SLCO3A1: variants seen among roughly 807,000 people sequenced by gnomAD.
SLCO3A1 encodes solute carrier organic anion transporter family member 3A1.
SLCO3A1 carries 27 observed loss-of-function variants against 63.1 expected under a neutral mutation model. That is an observed-to-expected ratio of 0.43 (90% CI 0.32 to 0.59). The LOEUF is 0.59. Ranked by LOEUF, SLCO3A1 falls within the 20% of genes least tolerant of loss-of-function variation. The pLI, the probability that SLCO3A1 is intolerant of heterozygous loss-of-function variation, is 0.09. For missense variants in SLCO3A1, 773 were observed against 945.8 expected (o/e 0.82, Z 2.40); for synonymous variants, 473 against 409.9 (o/e 1.15, Z -1.86).
intron 9 of SLCO3A1, among the ~76,000 whole-genome samples, chr15:92,159,222 C>G (rs1287135732): frequency 6.6e-6 from 1 of 152,218 alleles, no homozygotes; most frequent in Non-Finnish European, 1.5e-5. Context: ...TGCGGTGGCT[C>G]ACGCCTGTAA....
chr15:91,880,170 C>CATCCATCCATCTATCTATCTATCT (rs1337739872), intron 1 of SLCO3A1, among the ~76,000 whole-genome samples: 8 of 126,270 alleles, frequency 6.3e-5, no homozygotes, highest in Admixed American at 2.5e-4. Context: ...TCCATCCATC[C>CATCCATCCATCTATCTATCTATCT]ATCTATCTAT....
chr15:92,013,125 C>A (rs965837865), intron 2 of SLCO3A1, among the ~76,000 whole-genome samples: 3 of 152,200 alleles, frequency 2.0e-5, no homozygotes, highest in African/African-American at 4.8e-5. Flanking sequence ...AGATGGGTGG[C>A]TTTGCATGTG....
At chr15:92,046,281 G>A (rs2046861962) in intron 2 of SLCO3A1, among the ~76,000 whole-genome samples, 2 of 151,992 alleles carry the variant, frequency 1.3e-5, no homozygotes, top group East Asian at 1.9e-4. Flanking sequence ...TTGGGAGGCC[G>A]AGACGGATGG....
rs558947588 is a variant in SLCO3A1, at chr15:92,025,165, C to CCT, written c.647-69715_647-69714dup. 4.4e-4 allele frequency among the ~76,000 whole-genome samples: 56 copies of CCT among 126,374 alleles called. 2 individuals carry two copies. The South Asian group carries it at 0.017, about 39-fold the overall frequency. 82.9% of individuals were successfully genotyped at this position (126,374 alleles called of 152,430 possible). A position where few individuals can be genotyped will look rare whatever the true frequency, so the allele number is the denominator to read the frequency against. On this transcript the variant is annotated intron_variant, in intron 2 of 9. Transcript: ENST00000318445. ...GTAGACGTTATTTTTCTTAGGTTGT[C>CCT]CTTTTTTTTTTTTTTTGCTTTTAAA...
intron 2 of SLCO3A1, among the ~76,000 whole-genome samples, chr15:92,052,382 A>T (rs930628234): frequency 6.6e-6 from 1 of 152,118 alleles, no homozygotes; most frequent in Non-Finnish European, 1.5e-5. Context: ...GATCATATGA[A>T]TGTTCATTAT....
Position 91,882,713 on chromosome 15 carries a change from G to A in SLCO3A1, c.180+28625G>A, listed in dbSNP as rs934569252. On this transcript the variant is annotated intron_variant, in intron 1 of 9. Coordinates refer to ENST00000318445, the MANE Select transcript of SLCO3A1 (RefSeq NM_013272.4). This position sits in a 1 kb window ranked among gnomAD's most constrained non-coding sequence, Gnocchi z 4.4. ...TTTTTTGTATTTTTAGTAGAGACAG[G>A]GTTTCACCATGTTGGCCAGGCTGGT... 3.9e-5 allele frequency among the ~76,000 whole-genome samples: 6 copies of A among 152,112 alleles called. No individual in the cohort carries two copies. The highest frequency in any genetic ancestry group is 1.4e-4 in the African/African-American group (6 of 41,420).
At chr15:91,890,322 G>A (rs573754819) in intron 1 of SLCO3A1, among the ~76,000 whole-genome samples, 8 of 152,228 alleles carry the variant, frequency 5.3e-5, no homozygotes, top group African/African-American at 1.4e-4. Context: ...CTGTGGTGGT[G>A]GTTGTATTTT....
At chr15:92,121,617 C>T (rs1490190972) in intron 5 of SLCO3A1, among the ~76,000 whole-genome samples, 1 of 152,056 alleles carries the variant, frequency 6.6e-6, no homozygotes, top group Non-Finnish European at 1.5e-5. Context: ...AGTGGAGGTT[C>T]AGTTGCCTCA....
intron 1 of SLCO3A1, among the ~76,000 whole-genome samples, chr15:91,911,377 G>C (rs1898479875): frequency 6.6e-6 from 1 of 152,116 alleles, no homozygotes; most frequent in African/African-American, 2.4e-5. Context: ...GTGTCACCAG[G>C]TAGCTTGTTA....
chr15:92,160,771 G>A (rs554061258), intron 9 of SLCO3A1, among the ~76,000 whole-genome samples: 14 of 152,090 alleles, frequency 9.2e-5, no homozygotes, highest in Non-Finnish European at 1.9e-4. Context: ...GCTCTCACCC[G>A]ATTCCAGGCA....
At chr15:92,078,234 A>G (rs916513994) in intron 2 of SLCO3A1, among the ~76,000 whole-genome samples, 2 of 152,198 alleles carry the variant, frequency 1.3e-5, no homozygotes, top group Admixed American at 6.5e-5. Flanking sequence ...ATAACTGGGA[A>G]CTACACAAGT....
In SLCO3A1 at chr15:91,872,670, A is replaced by T. The variant is rs903306994; in HGVS notation, c.180+18582A>T. On this transcript the variant is annotated intron_variant, in intron 1 of 9. Transcript: ENST00000318445. This position sits in a 1 kb window ranked among gnomAD's most constrained non-coding sequence, Gnocchi z 4.1. Reference sequence around the variant, plus strand: ...TTTGATCACACCACGCCTTGAAAAAATTCGCAGCTGAATGCTTCAGTGTCT... The same window carrying T: ...TTTGATCACACCACGCCTTGAAAAATTTCGCAGCTGAATGCTTCAGTGTCT... Among the ~76,000 whole-genome samples, 1 of 152,366 alleles carries T rather than the reference A, an allele frequency of 6.6e-6. No individual in the cohort carries two copies. The highest frequency in any genetic ancestry group is 1.5e-5 in the Non-Finnish European group (1 of 68,046).
intron 2 of SLCO3A1, among the ~76,000 whole-genome samples, chr15:91,952,440 C>A (rs936389938): frequency 1.3e-5 from 2 of 152,170 alleles, no homozygotes; most frequent in Admixed American, 1.3e-4. Flanking sequence ...TGGGTGAGCA[C>A]CTGGCATAAA....
chr15:91,952,446 A>G (rs934684462), intron 2 of SLCO3A1, among the ~76,000 whole-genome samples: 1 of 152,262 alleles, frequency 6.6e-6, no homozygotes, highest in Admixed American at 6.5e-5. Flanking sequence ...AGCACCTGGC[A>G]TAAAGTAGGA....
At chr15:92,046,236 T>C (rs887102448) in intron 2 of SLCO3A1, among the ~76,000 whole-genome samples, 1 of 152,058 alleles carries the variant, frequency 6.6e-6, no homozygotes, top group African/African-American at 2.4e-5. Flanking sequence ...TATTGTCGGC[T>C]GGGCGTGGTG....
intron 2 of SLCO3A1, among the ~76,000 whole-genome samples, chr15:92,078,239 A>C (rs1401388422): frequency 6.6e-6 from 1 of 152,308 alleles, no homozygotes; most frequent in East Asian, 1.9e-4. Flanking sequence ...TGGGAACTAC[A>C]CAAGTTGGCT....
At position 91,860,165 on chromosome 15, in the gene SLCO3A1, G is replaced by A. The variant is rs567303663; in HGVS notation, c.180+6077G>A. On this transcript the variant is annotated intron_variant, in intron 1 of 9. Transcript: ENST00000318445. The surrounding 1 kb of genome is among the most constrained non-coding windows in gnomAD (Gnocchi z 5.5). Reference sequence around the variant, plus strand: ...GCAGGGCAGGCAGGACTGGCTGGGCGGGGCAGGTACCCTGATGCTTCACTT... The same window carrying A: ...GCAGGGCAGGCAGGACTGGCTGGGCAGGGCAGGTACCCTGATGCTTCACTT... 2.0e-4 allele frequency among the ~76,000 whole-genome samples: 30 copies of A among 152,304 alleles called. No individual in the cohort carries two copies. Among genetic ancestry groups the A allele is most frequent in the Middle Eastern group, 3.4e-3 (1 of 294 alleles).
intron 2 of SLCO3A1, among the ~76,000 whole-genome samples, chr15:91,956,293 G>A (rs1356949599): frequency 6.6e-6 from 1 of 152,172 alleles, no homozygotes; most frequent in African/African-American, 2.4e-5. Context: ...AAATGACTGA[G>A]GAGGATTTGA....
intron 4 of SLCO3A1, among the ~76,000 whole-genome samples, chr15:92,109,137 TG>T (rs1184875511): frequency 7.9e-5 from 12 of 152,154 alleles, no homozygotes; most frequent in African/African-American, 2.9e-4. Flanking sequence ...AGGTAATGAT[TG>T]TTTTTTGTGC....
Sources: gnomAD v4.1 joint callset for allele counts (sites outside exome capture counted in the v4.1 genomes callset) on GRCh38, gnomAD v4.1.1 for gene constraint, Gnocchi (gnomAD v3.1) non-coding constraint, MANE v1.5 for transcripts, NCBI Gene and HGNC (gene_info 2026-07-23, HGNC 2026-07-21) for gene names.